PHF12: variants seen among roughly 807,000 people sequenced by gnomAD.
The protein encoded by PHF12 is PHD finger protein 12.
In PHF12, 6 loss-of-function variants were observed where a neutral mutation model predicts 99.8. The ratio of observed to expected loss-of-function variants is 0.06; its 90% CI spans 0.03 to 0.12. The LOEUF is 0.12. PHF12 is among the 10% of genes least tolerant of loss of function. PHF12 has a pLI of 1.00. For synonymous variants in PHF12, 480 were observed against 514.9 expected (o/e 0.93, Z 0.92); for missense variants, 954 against 1,300.1 (o/e 0.73, Z 4.09).
At chr17:28,931,337 C>T (rs2152671565) in intron 2 of PHF12, among the ~76,000 whole-genome samples, 1 of 151,480 alleles carries the variant, frequency 6.6e-6, no homozygotes, top group Admixed American at 6.6e-5. Flanking sequence ...CTCACTGCAA[C>T]CTCTGCCTCC....
At chr17:28,908,101 A>G (rs2039901869) in intron 12 of PHF12, 1 of 165,666 alleles carries the variant, frequency 6.0e-6, no homozygotes, top group African/African-American at 2.4e-5. Context: ...AAAACAAAAC[A>G]AAACAAAAAA....
intron 4 of PHF12, 141 bp from the exon 5 acceptor site, chr17:28,921,949 G>T: frequency 8.5e-7 from 1 of 1,174,350 alleles, no homozygotes; most frequent in Non-Finnish European, 1.2e-6. Context: ...AGGCCCCTGG[G>T]GTTGATTTTA....
intron 13 of PHF12, 195 bp from the exon 14 acceptor site, chr17:28,907,189 A>G: frequency 1.7e-6 from 1 of 581,546 alleles, no homozygotes; most frequent in Non-Finnish European, 2.9e-6. Flanking sequence ...GGTGTCCCAC[A>G]CTCCCTACTC....
rs1184970614 is a variant in PHF12, at chr17:28,950,216, T to C, written c.97A>G (p.Thr33Ala). The change falls in exon 2 of 15, where the codon ACG becomes GCG. Residue 33 changes from threonine (T) to alanine (A), a missense_variant. By Grantham distance (58) the Thr-to-Ala change is moderately conservative. This residue lies in a region of PHF12 where 66 missense variants were observed against 69.4 expected (regional missense o/e 0.95). Transcript: ENST00000332830. This position sits in a 1 kb window ranked among gnomAD's most constrained non-coding sequence, Gnocchi z 5.7. ...CGACTGCGCTTTTCTGCCTCGTCCG[T>C]CTTGGGGGGAGCCAGCAGAGCTTGG... ...QIQALLAPPK[T>A]DEAEKRSRKP... is the part of the protein sequence containing the mutation. 8 of 1,611,718 alleles carry C rather than the reference T, an allele frequency of 5.0e-6. No individual in the cohort carries two copies. The East Asian group carries it at 1.6e-4, about 31-fold the overall frequency.
In PHF12 at chr17:28,950,728, T is replaced by A. The variant is rs2040795066; in HGVS notation, c.66+167A>T. On this transcript the variant is annotated intron_variant, in intron 1 of 14. Transcript: ENST00000332830. This position sits in a 1 kb window ranked among gnomAD's most constrained non-coding sequence, Gnocchi z 5.7. ...AACTGCTGCAAACGTCCTCGGAGGC[T>A]GAGCTCAGCCCCCTAAATTGCAAAG... 1 of 993,350 alleles carries A rather than the reference T, an allele frequency of 1.0e-6. No homozygotes were observed. Among genetic ancestry groups the A allele is most frequent in the Admixed American group, 3.5e-5 (1 of 28,822 alleles). 61.5% of individuals were successfully genotyped at this position (993,350 alleles called of 1,614,324 possible).
chr17:28,950,584 G>A lies in PHF12; in HGVS notation c.66+311C>T. The A allele has an allele frequency of 1.9e-6, 1 of 516,416 alleles. No homozygotes were observed. The highest frequency in any genetic ancestry group is 3.3e-5 in the East Asian group (1 of 30,286). 32.0% of individuals were successfully genotyped at this position (516,416 alleles called of 1,614,324 possible). A position where few individuals can be genotyped will look rare whatever the true frequency, so the allele number is the denominator to read the frequency against. On this transcript the variant is annotated intron_variant, in intron 1 of 14. Coordinates refer to ENST00000332830, the MANE Select transcript of PHF12 (RefSeq NM_001033561.2). The surrounding 1 kb of genome is among the most constrained non-coding windows in gnomAD (Gnocchi z 5.7). Reference sequence around the variant, plus strand: ...GGGAGAGGCCCAAAGCCCGGTACCCGGACGTGCTGGGGGAAGCACAAAGGG... The same window carrying A: ...GGGAGAGGCCCAAAGCCCGGTACCCAGACGTGCTGGGGGAAGCACAAAGGG...
rs199832589 is a variant in PHF12, at chr17:28,906,829, T to G, written c.2680+27A>C. The stretch of plus-strand genomic sequence containing the variant: ...CACCCTGACTGGGGCCTCAGCTTTG[T>G]GGCCACAGATCTCTGCTCCAACTTA... On this transcript the variant is annotated intron_variant, in intron 14 of 14. Coordinates refer to ENST00000332830, the MANE Select transcript of PHF12 (RefSeq NM_001033561.2). This position sits in a 1 kb window ranked among gnomAD's most constrained non-coding sequence, Gnocchi z 4.2. The G allele has an allele frequency of 6.9e-5, 109 of 1,571,558 alleles. No individual in the cohort carries two copies. In the African/African-American group the frequency reaches 1.3e-3, roughly 19 times the overall value.
chr17:28,908,902 T>C, intron 11 of PHF12, 21 bp from the exon 12 acceptor site: 2 of 1,598,112 alleles, frequency 1.3e-6, no homozygotes, highest in South Asian at 1.1e-5. Flanking sequence ...AACATAGGAA[T>C]AGGATCATTC....
chr17:28,942,689 G>A (rs755079807), intron 2 of PHF12, among the ~76,000 whole-genome samples: 55 of 151,772 alleles, frequency 3.6e-4, no homozygotes, highest in South Asian at 2.1e-4. Flanking sequence ...GGTGGCAGGC[G>A]CCTGTAATCC....
intron 2 of PHF12, among the ~76,000 whole-genome samples, chr17:28,937,407 C>T (rs1205066825): frequency 6.6e-6 from 1 of 152,190 alleles, no homozygotes. Context: ...TCAAACACCA[C>T]TAATGCCACA....
intron 5 of PHF12, among the ~76,000 whole-genome samples, chr17:28,919,828 C>T (rs181121583): frequency 6.6e-6 from 1 of 152,300 alleles, no homozygotes; most frequent in East Asian, 1.9e-4. Context: ...ATTCTCTCTT[C>T]TAAGAAGAAC....
chr17:28,913,351 C>A, intron 8 of PHF12, 74 bp from the exon 9 acceptor site: 1 of 1,531,648 alleles, frequency 6.5e-7, no homozygotes, highest in Non-Finnish European at 8.7e-7. Context: ...GTGGCCAGGG[C>A]TGCAGCAGAG....
chr17:28,946,117 G>A (rs1319551957), intron 2 of PHF12, among the ~76,000 whole-genome samples: 1 of 152,108 alleles, frequency 6.6e-6, no homozygotes, highest in Non-Finnish European at 1.5e-5. Context: ...CGGTGACAGA[G>A]CAAGACTCCG....
rs748445975 is a variant in PHF12, at chr17:28,950,214, C to T, written c.99G>A (p.Thr33=). 18 of 1,612,088 alleles carry T rather than the reference C, an allele frequency of 1.1e-5. No individual in the cohort carries two copies. In the Admixed American group the frequency reaches 2.8e-4, roughly 25 times the overall value. The part of the protein sequence containing the change: ...QIQALLAPPK[T]DEAEKRSRKP... ...TCCGACTGCGCTTTTCTGCCTCGTC[C>T]GTCTTGGGGGGAGCCAGCAGAGCTT... Residue 33 remains threonine (T), a synonymous_variant, in exon 2 of 15, where the codon ACG becomes ACA. Transcript: ENST00000332830. The surrounding 1 kb of genome is among the most constrained non-coding windows in gnomAD (Gnocchi z 5.7).
At chr17:28,922,250 A>G (rs1321144195) in intron 4 of PHF12, among the ~76,000 whole-genome samples, 2 of 152,148 alleles carry the variant, frequency 1.3e-5, no homozygotes, top group Non-Finnish European at 2.9e-5. Context: ...CATCAAACTC[A>G]GCTAACTTTT....
chr17:28,906,597 T>C lies in PHF12; in HGVS notation c.2681-80A>G. On this transcript the variant is annotated intron_variant, in intron 14 of 14. Coordinates refer to ENST00000332830, the MANE Select transcript of PHF12 (RefSeq NM_001033561.2). The surrounding 1 kb of genome is among the most constrained non-coding windows in gnomAD (Gnocchi z 4.2). ...GGGCTGTTTGCCAAGGTTGGGCTCC[T>C]GCATCTCCCCATTCCAACTGCTGCA... 2 of 1,440,304 alleles carry C rather than the reference T, an allele frequency of 1.4e-6. No homozygotes were observed. Among genetic ancestry groups the C allele is most frequent in the Non-Finnish European group, 1.9e-6 (2 of 1,063,690 alleles). The allele number at this position is 1,440,304 out of a possible 1,614,324, so 89.2% of individuals were successfully genotyped here. A position where few individuals can be genotyped will look rare whatever the true frequency, so the allele number is the denominator to read the frequency against.
intron 6 of PHF12, 100 bp from the exon 7 acceptor site, chr17:28,917,549 C>A: frequency 7.6e-7 from 1 of 1,324,240 alleles, no homozygotes; most frequent in Non-Finnish European, 1.0e-6. Context: ...AGCCCTCAGC[C>A]ACATAGGTTC....
chr17:28,944,706 TGC>T (rs1379358592), intron 2 of PHF12: 1 of 156,066 alleles, frequency 6.4e-6, no homozygotes, highest in African/African-American at 2.4e-5. Flanking sequence ...ACACAGAAAA[TGC>T]AAAACAAATA....
chr17:28,942,283 G>A (rs2040631338), intron 2 of PHF12, among the ~76,000 whole-genome samples: 1 of 152,160 alleles, frequency 6.6e-6, no homozygotes. Context: ...TAGAGGCTGA[G>A]GCAGGAGGAT....
Sources: allele counts gnomAD v4.1 joint callset (sites outside exome capture counted in the v4.1 genomes callset), GRCh38; gene constraint gnomAD v4.1.1; regional missense constraint gnomAD v4.1.1; non-coding constraint Gnocchi (gnomAD v3.1); transcripts MANE v1.5; gene names NCBI Gene and HGNC (gene_info 2026-07-23, HGNC 2026-07-21).